The following DEGS2 variants were observed in gnomAD, a reference collection of about 807,000 sequenced individuals.
DEGS2 encodes the protein sphingolipid delta(4)-desaturase/C4-monooxygenase DES2.
DEGS2 carries 19 observed loss-of-function variants against 23.8 expected under a neutral mutation model. The observed-to-expected ratio is 0.80, with a 90% CI of 0.56 to 1.17. The LOEUF (loss-of-function observed/expected upper bound fraction) is 1.17. DEGS2 is among the 50% of genes most tolerant of loss of function. The probability of loss-of-function intolerance (pLI) is 0.00; values close to 1 mark genes in which losing one functional copy is unlikely to be tolerated. For synonymous variants in DEGS2, 218 were observed against 213.7 expected (o/e 1.02, Z -0.18); for missense variants, 390 against 459.5 (o/e 0.85, Z 1.38).
In DEGS2 at chr14:100,145,786, C is replaced by T. The variant is rs1372849993; in HGVS notation, c.*975G>A. The T allele has an allele frequency of 2.0e-5, 3 of 152,718 alleles. No homozygotes were observed. The highest frequency in any genetic ancestry group is 3.9e-4 in the East Asian group (2 of 5,180). The allele number at this position is 152,718 out of a possible 1,614,324, so 9.5% of individuals were successfully genotyped here. ...GACAACCTCCTAGGTCGCAGCTGCA[C>T]CCTCAGCCCTTCTGTAGAAAGGACC... is the stretch of plus-strand genomic sequence containing the variant. On this transcript the variant is annotated 3_prime_UTR_variant, in exon 3 of 3. Coordinates refer to ENST00000305631, the MANE Select transcript of DEGS2 (RefSeq NM_206918.3).
At chr14:100,151,096 G>A (rs552425168) in intron 1 of DEGS2, among the ~76,000 whole-genome samples, 1 of 152,356 alleles carries the variant, frequency 6.6e-6, no homozygotes, top group East Asian at 1.9e-4. Context: ...CCCAACCCCA[G>A]CCATCACCTG....
At position 100,149,053 on chromosome 14, in the gene DEGS2, C is replaced by T. The variant is rs750639678; in HGVS notation, c.740G>A (p.Gly247Glu). 1 of 1,612,914 alleles carries T rather than the reference C, an allele frequency of 6.2e-7. No homozygotes were observed. Among genetic ancestry groups the T allele is most frequent in the Non-Finnish European group, 8.5e-7 (1 of 1,180,002 alleles). Residue 247 changes from glycine to glutamate, a missense_variant, in exon 2 of 3, where the codon GGG (glycine) becomes GAG (glutamate). Physicochemically the swap from Gly to Glu is moderately conservative, Grantham distance 98. Coordinates refer to ENST00000305631, the MANE Select transcript of DEGS2 (RefSeq NM_206918.3). ...LKGHETYSYY[G>E]PLNWITFNVG... ...ATTGAAGGTGATCCAGTTGAGAGGC[C>T]CATAGTAGGAGTAGGTCTCGTGGCC...
chr14:100,152,146 G>A (rs780937008), intron 1 of DEGS2, among the ~76,000 whole-genome samples: 7 of 152,174 alleles, frequency 4.6e-5, no homozygotes, highest in Non-Finnish European at 8.8e-5. Context: ...AGCCATTCCG[G>A]CACAGCCCGA....
At chr14:100,146,970 ACGCAGACACCTGAGCACACG>A in intron 2 of DEGS2, 63 bp from the exon 3 acceptor site, 1 of 1,567,996 alleles carries the variant, frequency 6.4e-7, no homozygotes, top group Non-Finnish European at 8.6e-7. Flanking sequence ...GCGAGCACAC[ACGCAGACACCTGAGCACACG>A]CGGTGGGCAT....
intron 1 of DEGS2, 98 bp from the exon 2 acceptor site, chr14:100,149,808 A>C: frequency 2.3e-6 from 3 of 1,311,080 alleles, no homozygotes. Context: ...AGAAGGTGGG[A>C]GTGGCCAGCA....
At chr14:100,156,522 C>T (rs986414266) in intron 1 of DEGS2, among the ~76,000 whole-genome samples, 5 of 152,236 alleles carry the variant, frequency 3.3e-5, no homozygotes, top group Non-Finnish European at 5.9e-5. Context: ...GATTTATTAA[C>T]CCCTTTTCAT....
At chr14:100,156,956 C>G (rs1041650688) in intron 1 of DEGS2, among the ~76,000 whole-genome samples, 2 of 152,182 alleles carry the variant, frequency 1.3e-5, no homozygotes, top group Non-Finnish European at 2.9e-5. Context: ...CTGGAGGGCC[C>G]GCCCTGAGGA....
At chr14:100,155,919 G>T (rs1430996537) in intron 1 of DEGS2, among the ~76,000 whole-genome samples, 2 of 152,014 alleles carry the variant, frequency 1.3e-5, no homozygotes, top group East Asian at 3.9e-4. Context: ...CGCCTGGCTG[G>T]GTCTCTGATG....
rs1253048324 is a variant in DEGS2 at position 100,146,646 on chromosome 14, C to T, written c.*115G>A. The T allele has an allele frequency of 8.2e-6, 12 of 1,458,602 alleles. No homozygotes were observed. The highest frequency in any genetic ancestry group is 2.2e-4 in the Middle Eastern group (1 of 4,480). The allele number at this position is 1,458,602 out of a possible 1,614,324, so 90.4% of individuals were successfully genotyped here. A position where few individuals can be genotyped will look rare whatever the true frequency, so the allele number is the denominator to read the frequency against. ...AGGTGTGGCTGCGCGGGACACTCCT[C>T]GGGGACAAGGGCAGCAGTCCAGAGC... On this transcript the variant is annotated 3_prime_UTR_variant, in exon 3 of 3. Coordinates refer to ENST00000305631, the MANE Select transcript of DEGS2 (RefSeq NM_206918.3).
chr14:100,149,344 C>T lies in DEGS2; in HGVS notation c.449G>A (p.Gly150Asp). Reference sequence around the variant, plus strand: ...GCGGGCGGGTGTGCAGAAGAACCAGCCCTCCAGACGCGTGGGCACGTCCAC... The same window carrying T: ...GCGGGCGGGTGTGCAGAAGAACCAGTCCTCCAGACGCGTGGGCACGTCCAC... ...LDVDVPTRLE[G>D]WFFCTPARKL... The change falls in exon 2 of 3, where the codon GGC (glycine) becomes GAC (aspartate). Residue 150 changes from glycine to aspartate, a missense_variant. Coordinates refer to ENST00000305631, the MANE Select transcript of DEGS2 (RefSeq NM_206918.3). 6.2e-7 allele frequency: 1 copy of T among 1,610,046 alleles called. No homozygotes were observed. The highest frequency in any genetic ancestry group is 8.5e-7 in the Non-Finnish European group (1 of 1,178,390).
chr14:100,162,191 CA>C (rs940836876), upstream of DEGS2, among the ~76,000 whole-genome samples: 1 of 146,902 alleles, frequency 6.8e-6, no homozygotes, highest in East Asian at 2.0e-4. Context: ...ACTAAAAATA[CA>C]AAAAAAATTA....
chr14:100,166,883 A>G, the DEGS2 span, among the ~76,000 whole-genome samples: 26 of 152,236 alleles, frequency 1.7e-4, no homozygotes, highest in South Asian at 1.0e-3. Context: ...CAGCACTTTG[A>G]GATGCCGAGG....
Position 100,149,289 on chromosome 14 carries a change from G to A in DEGS2, c.504C>T (p.Phe168=). ...CGCAGAGCGGCCGTAGTGAGTAGAA[G>A]AAGGGCTGCAGCACCAGCCAGAGCA... ...RKLLWLVLQP[F]FYSLRPLCVH... is the part of the protein sequence containing the mutation. Residue 168 remains phenylalanine (F), a synonymous_variant, in exon 2 of 3, where the codon TTC becomes TTT. Transcript: ENST00000305631. The A allele has an allele frequency of 1.9e-6, 3 of 1,612,796 alleles. No homozygotes were observed. Among genetic ancestry groups the A allele is most frequent in the Middle Eastern group, 1.7e-4 (1 of 6,060 alleles).
chr14:100,165,480 G>T, the DEGS2 span, among the ~76,000 whole-genome samples: 1 of 152,214 alleles, frequency 6.6e-6, no homozygotes, highest in Non-Finnish European at 1.5e-5. Flanking sequence ...CCCCTGATTT[G>T]TGGGCCTCAC....
At chr14:100,159,924 A>G (rs1024918393), upstream of DEGS2, 2 of 179,880 alleles carry the variant, frequency 1.1e-5, no homozygotes, top group East Asian at 2.9e-4. Flanking sequence ...GCGGCCTCCC[A>G]CCGGCTCTGC....
Position 100,146,881 on chromosome 14 carries a change from G to T in DEGS2, c.852C>A (p.Tyr284Ter). 1 of 1,613,432 alleles carries T rather than the reference G, an allele frequency of 6.2e-7. No homozygotes were observed. Among genetic ancestry groups the T allele is most frequent in the Non-Finnish European group, 8.5e-7 (1 of 1,179,832 alleles). Residue 284 changes from tyrosine to a stop codon, truncating the protein, a stop_gained, in exon 3 of 3, where the codon TAC becomes TAA. Transcript: ENST00000305631. LOFTEE classifies it low-confidence loss of function (END_TRUNC). ...AGGAGTGGTGCTGCGGCAGGTGGTC[G>T]TAGTACTCGGGCGCGATCTTCCGCA... is the stretch of plus-strand genomic sequence containing the variant. ...PLVRKIAPEYYDHLPQHHSWV... is the reference protein window; with the variant it reads ...PLVRKIAPEY
chr14:100,159,676 A>C, upstream of DEGS2: 17 of 73,894 alleles, frequency 2.3e-4, no homozygotes, highest in East Asian at 4.5e-4. Flanking sequence ...AGCTCTGATT[A>C]GGGCGGGGGC....
At chr14:100,165,577 G>C in the DEGS2 span, among the ~76,000 whole-genome samples, 4 of 152,220 alleles carry the variant, frequency 2.6e-5, no homozygotes, top group African/African-American at 4.8e-5. Flanking sequence ...TGGTTCCACC[G>C]GGCGGCCGCG....
In DEGS2 at chr14:100,146,693, T is replaced by G; in HGVS notation, c.*68A>C. On this transcript the variant is annotated 3_prime_UTR_variant, in exon 3 of 3. Coordinates refer to ENST00000305631, the MANE Select transcript of DEGS2 (RefSeq NM_206918.3). Reference sequence around the variant, plus strand: ...GAGCACAGGAAGGAAATGTAGCTTCTCAGTGCTGGGGTGCAAGGCTGAGGG... The same window carrying G: ...GAGCACAGGAAGGAAATGTAGCTTCGCAGTGCTGGGGTGCAAGGCTGAGGG... The G allele has an allele frequency of 6.4e-7, 1 of 1,569,392 alleles. No homozygotes were observed. Among genetic ancestry groups the G allele is most frequent in the Non-Finnish European group, 8.6e-7 (1 of 1,157,698 alleles).
Sources: gnomAD v4.1 joint callset for allele counts (sites outside exome capture counted in the v4.1 genomes callset) on GRCh38, gnomAD v4.1.1 for gene constraint, MANE v1.5 for transcripts, NCBI Gene and HGNC (gene_info 2026-07-23, HGNC 2026-07-21) for gene names.